Variants in DOP1B observed in about 807,000 individuals in gnomAD.
The protein encoded by DOP1B is protein DOP1B.
DOP1B carries 174 observed loss-of-function variants against 233.5 expected under a neutral mutation model. The observed-to-expected ratio is 0.75, with a 90% CI of 0.66 to 0.85. The LOEUF (loss-of-function observed/expected upper bound fraction) is 0.85, where lower values mean the gene tolerates loss of function less well. Ranked by LOEUF, DOP1B falls within the 40% of genes least tolerant of loss-of-function variation. DOP1B has a pLI of 0.00. For missense variants in DOP1B, 2,652 were observed against 2,846.6 expected (o/e 0.93, Z 1.56); for synonymous variants, 1,190 against 1,185.6 (o/e 1.00, Z -0.08).
intron 2 of DOP1B, among the ~76,000 whole-genome samples, chr21:36,168,519 C>A (rs1390399953): frequency 6.6e-6 from 1 of 151,742 alleles, no homozygotes; most frequent in Non-Finnish European, 1.5e-5. Context: ...CTAACATCCT[C>A]ACCAATACTT....
At chr21:36,284,669 A>T (rs904513731) in intron 32 of DOP1B, among the ~76,000 whole-genome samples, 2 of 152,056 alleles carry the variant, frequency 1.3e-5, no homozygotes, top group Non-Finnish European at 2.9e-5. Context: ...TAGAACCAAA[A>T]AAACAAAAAG....
At chr21:36,204,349 A>C (rs2066404290) in intron 4 of DOP1B, among the ~76,000 whole-genome samples, 1 of 152,182 alleles carries the variant, frequency 6.6e-6, no homozygotes, top group Admixed American at 6.5e-5. Flanking sequence ...CATAGTACAG[A>C]GTTTCCATGA....
At chr21:36,166,746 C>G (rs188698841) in intron 2 of DOP1B, among the ~76,000 whole-genome samples, 2 of 152,236 alleles carry the variant, frequency 1.3e-5, no homozygotes, top group Non-Finnish European at 2.9e-5. Context: ...GCTCCCCAGG[C>G]CAAACACACC....
chr21:36,282,053 C>A (rs1400676078), intron 32 of DOP1B, among the ~76,000 whole-genome samples: 1 of 152,168 alleles, frequency 6.6e-6, no homozygotes, highest in Admixed American at 6.6e-5. Flanking sequence ...GCATGATTGT[C>A]ACTTGTTAAA....
chr21:36,184,050 CTATTT>C (rs2066134492), intron 2 of DOP1B, among the ~76,000 whole-genome samples: 1 of 149,700 alleles, frequency 6.7e-6, no homozygotes. Flanking sequence ...TTTGCTTTTT[CTATTT>C]TATCTTTTTT....
rs1172730528 is a variant in DOP1B at position 36,201,345 on chromosome 21, C to CTTTTTTTTTTTTTTTTT, written c.491+848_491+864dup. ...TCTATTCCACTGTATCTATTGGATT[C>CTTTTTTTTTTTTTTTTT]TTTTTTTTTTTTTTTTTTTTGAGAC... On this transcript the variant is annotated intron_variant, in intron 4 of 36. Transcript: ENST00000691173. Among the ~76,000 whole-genome samples, 70 of 83,260 alleles carry CTTTTTTTTTTTTTTTTT rather than the reference C, an allele frequency of 8.4e-4. 10 individuals carry two copies. Among genetic ancestry groups the CTTTTTTTTTTTTTTTTT allele is most frequent in the East Asian group, 1.7e-3 (5 of 2,938 alleles). 54.6% of individuals were successfully genotyped at this position (83,260 alleles called of 152,430 possible).
rs2146243091 is a variant in DOP1B at position 36,277,109 on chromosome 21, A to G, written c.5712+9A>G. 6.2e-7 allele frequency: 1 copy of G among 1,612,432 alleles called. No homozygotes were observed. Among genetic ancestry groups the G allele is most frequent in the East Asian group, 2.2e-5 (1 of 44,850 alleles). ...TCTCTCTCCTGGCAGAGGTAAATAC[A>G]CACCTGACCTGTCGTCCTTTATGGA... On this transcript the variant is annotated intron_variant, in intron 28 of 36. Transcript: ENST00000691173.
In DOP1B at chr21:36,239,809, C is replaced by T. The variant is rs1217540173; in HGVS notation, c.2921C>T (p.Ala974Val). The T allele has an allele frequency of 3.8e-6, 6 of 1,561,272 alleles. No homozygotes were observed. The highest frequency in any genetic ancestry group is 1.2e-5 in the South Asian group (1 of 85,262). Reference sequence around the variant, plus strand: ...GACAGCCTGGCCTGCACGGATGGTGCCATCGGTGCGGCAGCCCAGGGCTGG... The same window carrying T: ...GACAGCCTGGCCTGCACGGATGGTGTCATCGGTGCGGCAGCCCAGGGCTGG... ...VLDSLACTDG[A>V]IGAAAQGWLV... is the part of the protein sequence containing the mutation. Residue 974 changes from alanine (A) to valine (V), a missense_variant, in exon 18 of 37, where the codon GCC (alanine) becomes GTC (valine). Ala to Val is a moderately conservative substitution (Grantham distance 64). Around this residue, in one of 3 missense-constraint regions of DOP1B, gnomAD observed 2,617 missense variants for 2,794.3 expected, o/e 0.94. Coordinates refer to ENST00000691173, the MANE Select transcript of DOP1B (RefSeq NM_001320714.2).
At position 36,292,233 on chromosome 21, in the gene DOP1B, G is replaced by A; in HGVS notation, c.6645G>A (p.Gly2215=). 4 of 1,577,024 alleles carry A rather than the reference G, an allele frequency of 2.5e-6. No homozygotes were observed. The highest frequency in any genetic ancestry group is 3.4e-6 in the Non-Finnish European group (4 of 1,169,306). ...RILELLKLKF[G]EISSSDEITM... is the part of the protein sequence containing the mutation. Reference sequence around the variant, plus strand: ...TAGAACTTCTAAAATTAAAGTTTGGGGTAAGTGCTTTTCTTTTCTTTTCTT... The same window carrying A: ...TAGAACTTCTAAAATTAAAGTTTGGAGTAAGTGCTTTTCTTTTCTTTTCTT... The change falls in exon 36 of 37, where the codon GGG becomes GGA. Residue 2215 remains glycine (G), a splice_region_variant and synonymous_variant. Coordinates refer to ENST00000691173, the MANE Select transcript of DOP1B (RefSeq NM_001320714.2).
rs114274102 is a variant in DOP1B, at chr21:36,251,080, T to G, written c.4999-82T>G. The G allele has an allele frequency of 1.6e-3, 2,415 of 1,496,372 alleles. 33 individuals carry two copies. In the African/African-American group the frequency reaches 0.03, roughly 18 times the overall value. The allele number at this position is 1,496,372 out of a possible 1,614,324, so 92.7% of individuals were successfully genotyped here. On this transcript the variant is annotated intron_variant, in intron 21 of 36. Transcript: ENST00000691173. ...CATGACAGGGTCCTTGCTCTCGGTA[T>G]GGACAGCAGTGGTGGTTCAATGTAT...
intron 18 of DOP1B, among the ~76,000 whole-genome samples, chr21:36,244,720 C>T (rs999330680): frequency 3.9e-5 from 6 of 152,144 alleles, no homozygotes; most frequent in African/African-American, 7.2e-5. Context: ...CCACTGCACC[C>T]GGCCAGGAGA....
intron 26 of DOP1B, among the ~76,000 whole-genome samples, chr21:36,264,868 A>G (rs1480869472): frequency 2.6e-5 from 4 of 152,334 alleles, no homozygotes; most frequent in East Asian, 3.9e-4. Context: ...AATAAAACTC[A>G]TCATAGGAGA....
chr21:36,292,106 A>G lies in DOP1B; in HGVS notation c.6518A>G (p.Tyr2173Cys), dbSNP rs141958834. The G allele has an allele frequency of 3.1e-6, 5 of 1,598,400 alleles. No individual in the cohort carries two copies. The highest frequency in any genetic ancestry group is 4.3e-6 in the Non-Finnish European group (5 of 1,175,794). Residue 2173 changes from tyrosine (Y) to cysteine (C), a missense_variant and splice_region_variant, in exon 36 of 37, where the codon TAT becomes TGT. By Grantham distance (194) the Tyr-to-Cys change is radical. Transcript: ENST00000691173. ...GACCTTCTGTTTGTTCCCTGCAGTT[A>G]TAGGTGGGCATTTATTCCAGAAGTG... ...PPDKMPLFQIYRWAFIPEVDT... is the reference protein window; with the variant it reads ...PPDKMPLFQICRWAFIPEVDT...
In DOP1B at chr21:36,245,452, C is replaced by T. The variant is rs150359151; in HGVS notation, c.3472C>T (p.Arg1158Cys). Residue 1158 changes from arginine (R) to cysteine (C), a missense_variant, in exon 19 of 37, where the codon CGC (arginine) becomes TGC (cysteine). Physicochemically the swap from Arg to Cys is radical, Grantham distance 180. This residue lies in a region of DOP1B where 2,617 missense variants were observed against 2,794.3 expected (regional missense o/e 0.94). Coordinates refer to ENST00000691173, the MANE Select transcript of DOP1B (RefSeq NM_001320714.2). The surrounding 1 kb of genome is among the most constrained non-coding windows in gnomAD (Gnocchi z 5.5). ...CATGGGGGGCAGGGCGTACCCCAAG[C>T]GCTCGGCCCTGCTGGCGGCCTTCCA... ...IPMGGRAYPK[R>C]SALLAAFQSE... is the part of the protein sequence containing the mutation. The T allele has an allele frequency of 3.8e-5, 61 of 1,613,948 alleles. No homozygotes were observed. In the Middle Eastern group the frequency reaches 4.9e-4, roughly 13 times the overall value.
rs3029062 is a variant in DOP1B, at chr21:36,267,625, C to CTTTTTTTT, written c.5488-2377_5488-2370dup. On this transcript the variant is annotated intron_variant, in intron 26 of 36. Coordinates refer to ENST00000691173, the MANE Select transcript of DOP1B (RefSeq NM_001320714.2). ...CCAGGAGGTCGAGGCTGCAGTGAGA[C>CTTTTTTTT]TTTTTTTTTTTTTTTTTTGAGATGG... Among the ~76,000 whole-genome samples, 37 of 116,920 alleles carry CTTTTTTTT rather than the reference C, an allele frequency of 3.2e-4. 2 individuals carry two copies. Among genetic ancestry groups the CTTTTTTTT allele is most frequent in the African/African-American group, 1.1e-3 (32 of 28,890 alleles). The allele number at this position is 116,920 out of a possible 152,430, so 76.7% of individuals were successfully genotyped here. A position where few individuals can be genotyped will look rare whatever the true frequency, so the allele number is the denominator to read the frequency against.
rs759822648 is a variant in DOP1B, at chr21:36,278,189, C to G, written c.5823-20C>G. ...GACAGTCCTTGACCTTGACCCTTCT[C>G]TCTTCCCACTCCCACTCAGTGCCTA... On this transcript the variant is annotated intron_variant, in intron 29 of 36. Transcript: ENST00000691173. 9.9e-6 allele frequency: 16 copies of G among 1,613,592 alleles called. No individual in the cohort carries two copies. The South Asian group carries it at 1.4e-4, about 14-fold the overall frequency.
At chr21:36,210,511 G>C (rs908615318) in intron 5 of DOP1B, among the ~76,000 whole-genome samples, 1 of 152,140 alleles carries the variant, frequency 6.6e-6, no homozygotes, top group Non-Finnish European at 1.5e-5. Flanking sequence ...TGGGTGTGGT[G>C]ATGGGCGCCC....
chr21:36,183,882 T>TA (rs61006750), intron 2 of DOP1B, among the ~76,000 whole-genome samples: 1 of 151,394 alleles, frequency 6.6e-6, no homozygotes, highest in Non-Finnish European at 1.5e-5. Context: ...TTTTTTTTTT[T>TA]AGATGGCGTC....
At position 36,200,320 on chromosome 21, in the gene DOP1B, C is replaced by G; in HGVS notation, c.321-11C>G. The stretch of plus-strand genomic sequence containing the variant: ...TATTTCTGCCCCGCTCCCTCTCGTT[C>G]TTTCTCGAAGCTGCGGGTTATTTCC... On this transcript the variant is annotated splice_polypyrimidine_tract_variant and intron_variant, in intron 3 of 36. Transcript: ENST00000691173. The G allele has an allele frequency of 6.3e-7, 1 of 1,578,674 alleles. No homozygotes were observed. The highest frequency in any genetic ancestry group is 8.6e-7 in the Non-Finnish European group (1 of 1,161,536).
Sources: allele counts gnomAD v4.1 joint callset (sites outside exome capture counted in the v4.1 genomes callset), GRCh38; gene constraint gnomAD v4.1.1; regional missense constraint gnomAD v4.1.1; non-coding constraint Gnocchi (gnomAD v3.1); transcripts MANE v1.5; gene names NCBI Gene and HGNC (gene_info 2026-07-23, HGNC 2026-07-21).